The following AMOTL1 variants were observed in gnomAD, a reference collection of about 807,000 sequenced individuals.
AMOTL1 encodes the protein angiomotin-like protein 1.
In AMOTL1, 45 loss-of-function variants were observed where a neutral mutation model predicts 102.9. That is an observed-to-expected ratio of 0.44 (90% CI 0.34 to 0.56). The LOEUF (loss-of-function observed/expected upper bound fraction) is 0.56. Ranked by LOEUF, AMOTL1 falls within the 20% of genes least tolerant of loss-of-function variation. The pLI, the probability that AMOTL1 is intolerant of heterozygous loss-of-function variation, is 0.01. For missense variants in AMOTL1, 1,114 were observed against 1,225.6 expected (o/e 0.91, Z 1.36); for synonymous variants, 481 against 484.7 (o/e 0.99, Z 0.10).
intron 4 of AMOTL1, among the ~76,000 whole-genome samples, chr11:94,824,970 C>T (rs1006324289): frequency 6.6e-6 from 1 of 152,114 alleles, no homozygotes; most frequent in African/African-American, 2.4e-5. Context: ...AAAATCCCAG[C>T]CTAGATATGA....
chr11:94,842,958 C>T (rs921087119), intron 6 of AMOTL1, among the ~76,000 whole-genome samples: 4 of 152,164 alleles, frequency 2.6e-5, no homozygotes, highest in Non-Finnish European at 5.9e-5. Flanking sequence ...TAAAACCAGC[C>T]CTCGCTGGAG....
intron 8 of AMOTL1, among the ~76,000 whole-genome samples, chr11:94,855,686 G>A (rs1016882454): frequency 2.6e-5 from 4 of 152,086 alleles, no homozygotes; most frequent in Admixed American, 1.3e-4. Flanking sequence ...ACTCACCTCC[G>A]TTATCCTTGT....
At chr11:94,818,564 A>C (rs1951806453) in intron 3 of AMOTL1, among the ~76,000 whole-genome samples, 1 of 152,226 alleles carries the variant, frequency 6.6e-6, no homozygotes, top group Admixed American at 6.5e-5. Flanking sequence ...TTTACACATA[A>C]ATTTGTCTTG....
At chr11:94,719,297 A>T (rs1411382021) in intron 1 of AMOTL1, among the ~76,000 whole-genome samples, 1 of 152,104 alleles carries the variant, frequency 6.6e-6, no homozygotes. Context: ...TGGAAAAAGA[A>T]GTACTCAAAC....
intron 3 of AMOTL1, among the ~76,000 whole-genome samples, chr11:94,741,210 G>T (rs1190557742): frequency 6.6e-6 from 1 of 151,946 alleles, no homozygotes; most frequent in Non-Finnish European, 1.5e-5. Context: ...CCGTGCGTGT[G>T]TGTGTGTGTG....
At chr11:94,707,708 C>T (rs144480021) in intron 1 of AMOTL1, among the ~76,000 whole-genome samples, 2 of 152,114 alleles carry the variant, frequency 1.3e-5, no homozygotes, top group Admixed American at 6.5e-5. Flanking sequence ...ATCTGCTCCC[C>T]CTTCTGTGTC....
At chr11:94,714,734 GGTAATTT>G (rs1244979427) in intron 1 of AMOTL1, among the ~76,000 whole-genome samples, 5 of 151,968 alleles carry the variant, frequency 3.3e-5, no homozygotes, top group Admixed American at 3.3e-4. Flanking sequence ...GTTTGATATT[GGTAATTT>G]GTGTCTTCTT....
At chr11:94,724,190 T>C (rs1490262305) in intron 1 of AMOTL1, among the ~76,000 whole-genome samples, 1 of 152,152 alleles carries the variant, frequency 6.6e-6, no homozygotes, top group African/African-American at 2.4e-5. Context: ...CACCCTCTAC[T>C]TGTAACCAAG....
At chr11:94,761,249 C>T (rs112545485) in intron 3 of AMOTL1, among the ~76,000 whole-genome samples, 14,362 of 149,332 alleles carry the variant, frequency 0.096, 1,405 homozygotes, top group East Asian at 0.28. Flanking sequence ...AGTGCAGTGG[C>T]GTGATCTCGG....
At chr11:94,727,704 C>T (rs973224795) in intron 1 of AMOTL1, among the ~76,000 whole-genome samples, 29 of 152,132 alleles carry the variant, frequency 1.9e-4, no homozygotes, top group Non-Finnish European at 3.1e-4. Context: ...ATAAGTCTAA[C>T]GTTCTCACTA....
chr11:94,747,221 C>G (rs1384263777), intron 3 of AMOTL1, among the ~76,000 whole-genome samples: 1 of 152,072 alleles, frequency 6.6e-6, no homozygotes, highest in Non-Finnish European at 1.5e-5. Context: ...CTCTCACCAC[C>G]CACAAGCAAA....
intron 2 of AMOTL1, among the ~76,000 whole-genome samples, chr11:94,798,568 T>C (rs976526609): frequency 1.3e-5 from 2 of 152,164 alleles, no homozygotes; most frequent in Admixed American, 6.5e-5. Context: ...GGCCATCGTC[T>C]GGCAGTTGTA....
intron 3 of AMOTL1, among the ~76,000 whole-genome samples, chr11:94,754,443 C>T (rs994825710): frequency 5.3e-5 from 8 of 152,200 alleles, no homozygotes; most frequent in Non-Finnish European, 1.0e-4. Flanking sequence ...AGCATGGGAA[C>T]GCTCCGAAGT....
At chr11:94,789,446 ACCGTGCCCGGCACTGTTT>A (rs1259538382) in intron 1 of AMOTL1, among the ~76,000 whole-genome samples, 4 of 152,204 alleles carry the variant, frequency 2.6e-5, no homozygotes. Flanking sequence ...GGCTTGAGCC[ACCGTGCCCGGCACTGTTT>A]CCTTTTTAAA....
chr11:94,783,559 T>C (rs1951140503), intron 1 of AMOTL1, among the ~76,000 whole-genome samples: 1 of 152,160 alleles, frequency 6.6e-6, no homozygotes, highest in Non-Finnish European at 1.5e-5. Flanking sequence ...AGGGGTATCA[T>C]GAGCCAAAAC....
chr11:94,768,561 G>T lies in AMOTL1; in HGVS notation c.49+1G>T. On this transcript the variant is annotated splice_donor_variant, in intron 1 of 12. Transcript: ENST00000433060. LOFTEE classifies it high-confidence loss of function. ...GGAACTTGTGAGCCTGCGGTGAAAGGTAACCAGCCCCCACTCGAGGTGCCG... is the reference window on the plus strand; with the variant it reads ...GGAACTTGTGAGCCTGCGGTGAAAGTTAACCAGCCCCCACTCGAGGTGCCG... 1.3e-6 allele frequency: 2 copies of T among 1,595,074 alleles called. No homozygotes were observed. The highest frequency in any genetic ancestry group is 1.7e-6 in the Non-Finnish European group (2 of 1,171,258).
intron 9 of AMOTL1, among the ~76,000 whole-genome samples, chr11:94,861,416 A>G (rs1462092712): frequency 6.6e-6 from 1 of 152,172 alleles, no homozygotes; most frequent in Non-Finnish European, 1.5e-5. Context: ...AAAGTCACAG[A>G]GGGACCTGGT....
chr11:94,864,969 T>A, intron 10 of AMOTL1, 109 bp downstream of exon 10: 1 of 1,383,458 alleles, frequency 7.2e-7, no homozygotes, highest in South Asian at 1.9e-5. Flanking sequence ...GCATGAGGTC[T>A]CCAAAAACTC....
intron 8 of AMOTL1, among the ~76,000 whole-genome samples, chr11:94,855,766 G>A (rs1436017705): frequency 6.6e-6 from 1 of 152,112 alleles, no homozygotes; most frequent in East Asian, 1.9e-4. Context: ...AGGATAGTTG[G>A]CTGTATGCAC....
Sources: gnomAD v4.1 joint callset for allele counts (sites outside exome capture counted in the v4.1 genomes callset) on GRCh38, gnomAD v4.1.1 for gene constraint, MANE v1.5 for transcripts, NCBI Gene and HGNC (gene_info 2026-07-23, HGNC 2026-07-21) for gene names.